KCTD16: variants seen among roughly 807,000 people sequenced by gnomAD.
KCTD16 encodes potassium channel tetramerization domain containing 16, also known as BTB/POZ domain-containing protein KCTD16.
In KCTD16, 13 loss-of-function variants were observed where a neutral mutation model predicts 33.2. The ratio of observed to expected loss-of-function variants is 0.39; its 90% confidence interval spans 0.25 to 0.62. The LOEUF (loss-of-function observed/expected upper bound fraction) is 0.62. Ranked by LOEUF, KCTD16 falls within the 20% of genes least tolerant of loss-of-function variation. The pLI, the probability that KCTD16 is intolerant of heterozygous loss-of-function variation, is 0.50. For missense variants in KCTD16, 441 were observed against 525.1 expected, an observed-to-expected ratio of 0.84 and a Z score of 1.57; for synonymous variants, 197 against 195.3, an observed-to-expected ratio of 1.01 and a Z score of -0.07.
intron 3 of KCTD16, among the ~76,000 whole-genome samples, chr5:144,430,388 G>T (rs1015529529): frequency 5.3e-5 from 8 of 152,278 alleles, no homozygotes; most frequent in African/African-American, 1.9e-4. Flanking sequence ...GGGAAGATGA[G>T]TTCTCTGTGC....
At chr5:144,226,718 A>G (rs903069168) in intron 3 of KCTD16, among the ~76,000 whole-genome samples, 2 of 152,006 alleles carry the variant, frequency 1.3e-5, no homozygotes. Context: ...GATTACAGGC[A>G]TGTGCCACCA....
At chr5:144,340,982 T>C (rs932522999) in intron 3 of KCTD16, among the ~76,000 whole-genome samples, 9 of 151,996 alleles carry the variant, frequency 5.9e-5, no homozygotes, top group African/African-American at 2.2e-4. Flanking sequence ...GAGGTAGAGG[T>C]TGCAGTGAGC....
At chr5:144,283,641 A>G (rs1755666466) in intron 3 of KCTD16, among the ~76,000 whole-genome samples, 1 of 152,220 alleles carries the variant, frequency 6.6e-6, no homozygotes, top group Non-Finnish European at 1.5e-5. Context: ...AATTAGCTTG[A>G]TAGATAATTA....
intron 3 of KCTD16, among the ~76,000 whole-genome samples, chr5:144,419,838 C>G (rs1753169525): frequency 6.6e-6 from 1 of 151,802 alleles, no homozygotes; most frequent in African/African-American, 2.4e-5. Flanking sequence ...TAATGACTAC[C>G]CTGTTGCATA....
In KCTD16 at chr5:144,262,032, A is replaced by G. The variant is rs144286083; in HGVS notation, c.832+54486A>G. On this transcript the variant is annotated intron_variant, in intron 3 of 3. Coordinates refer to ENST00000512467, the MANE Select transcript of KCTD16 (RefSeq NM_020768.4). ...GCTAGACACAGGGAGTGCTACAATC[A>G]TGTTCCTCCCTTTCTGAGAAAGAAA... 6.0e-4 allele frequency among the ~76,000 whole-genome samples: 92 copies of G among 152,316 alleles called. No homozygotes were observed. In the East Asian group the frequency reaches 0.014, roughly 24 times the overall value.
intron 3 of KCTD16, among the ~76,000 whole-genome samples, chr5:144,406,317 T>C (rs1219185796): frequency 2.0e-5 from 3 of 152,236 alleles, no homozygotes; most frequent in Non-Finnish European, 2.9e-5. Flanking sequence ...CCTTACTTTG[T>C]CTCAAATTTA....
At chr5:144,473,060 T>G (rs1252255632) in intron 3 of KCTD16, among the ~76,000 whole-genome samples, 1 of 152,160 alleles carries the variant, frequency 6.6e-6, no homozygotes, top group East Asian at 1.9e-4. Context: ...TAACAGAGTT[T>G]TTGTTAAGAA....
intron 3 of KCTD16, among the ~76,000 whole-genome samples, chr5:144,323,248 A>T (rs2126885904): frequency 6.6e-6 from 1 of 152,296 alleles, no homozygotes; most frequent in East Asian, 1.9e-4. Flanking sequence ...CTGGGGCGCT[A>T]AAAAGCCTTG....
intron 3 of KCTD16, among the ~76,000 whole-genome samples, chr5:144,262,424 C>T (rs1755037547): frequency 1.3e-5 from 2 of 152,164 alleles, no homozygotes; most frequent in African/African-American, 4.8e-5. Context: ...GGGTTTCAAG[C>T]AAGGAAATAA....
chr5:144,381,734 G>T (rs1253331206), intron 3 of KCTD16, among the ~76,000 whole-genome samples: 1 of 152,132 alleles, frequency 6.6e-6, no homozygotes, highest in Non-Finnish European at 1.5e-5. Context: ...CCTCTCACCA[G>T]TCCCCACCTC....
chr5:144,337,614 GA>G (rs1182173770), intron 3 of KCTD16, among the ~76,000 whole-genome samples: 2 of 152,148 alleles, frequency 1.3e-5, no homozygotes, highest in African/African-American at 2.4e-5. Context: ...TAACTTTAAT[GA>G]ATTCTTTAAA....
At chr5:144,444,457 G>T (rs1306174687) in intron 3 of KCTD16, among the ~76,000 whole-genome samples, 1 of 151,968 alleles carries the variant, frequency 6.6e-6, no homozygotes, top group Admixed American at 6.6e-5. Flanking sequence ...AGATTTCCCA[G>T]AAAGCTTTTA....
At chr5:144,370,242 G>GA (rs1173676783) in intron 3 of KCTD16, among the ~76,000 whole-genome samples, 1 of 152,148 alleles carries the variant, frequency 6.6e-6, no homozygotes, top group Non-Finnish European at 1.5e-5. Flanking sequence ...GGAGGGGGTA[G>GA]AAGGGGTAGA....
chr5:144,230,697 T>A (rs1003305237), intron 3 of KCTD16, among the ~76,000 whole-genome samples: 1 of 152,160 alleles, frequency 6.6e-6, no homozygotes, highest in Admixed American at 6.6e-5. Flanking sequence ...ACTTCAGGGA[T>A]GTATAATGTA....
chr5:144,441,147 A>G (rs1479703082), intron 3 of KCTD16, among the ~76,000 whole-genome samples: 1 of 152,026 alleles, frequency 6.6e-6, no homozygotes, highest in East Asian at 1.9e-4. Flanking sequence ...AGTTCTTTAT[A>G]TATTCTGGAT....
rs149762149 is a variant in KCTD16 at position 144,420,900 on chromosome 5, G to A, written c.833-52760G>A. ...CATTGGTTTGGATTGCCCTCCGAATGTGAATTTCACGCTTGATGAAAGTCA... is the reference window on the plus strand; with the variant it reads ...CATTGGTTTGGATTGCCCTCCGAATATGAATTTCACGCTTGATGAAAGTCA... On this transcript the variant is annotated intron_variant, in intron 3 of 3. Transcript: ENST00000512467. Among the ~76,000 whole-genome samples, 275 of 152,278 alleles carry A rather than the reference G, an allele frequency of 1.8e-3. 3 individuals carry two copies. Among genetic ancestry groups the A allele is most frequent in the Non-Finnish European group, 3.3e-3 (227 of 68,012 alleles).
intron 3 of KCTD16, among the ~76,000 whole-genome samples, chr5:144,386,719 T>C (rs1752331766): frequency 6.6e-6 from 1 of 152,174 alleles, no homozygotes; most frequent in African/African-American, 2.4e-5. Flanking sequence ...AAAAAAAGAA[T>C]GAAAATTGGC....
chr5:144,231,729 C>T (rs1362836310), intron 3 of KCTD16, among the ~76,000 whole-genome samples: 2 of 152,030 alleles, frequency 1.3e-5, no homozygotes. Flanking sequence ...GGGGCTTTTT[C>T]CCCTTTTGCT....
intron 3 of KCTD16, among the ~76,000 whole-genome samples, chr5:144,213,199 ATAT>A (rs1753451202): frequency 6.8e-6 from 1 of 147,194 alleles, no homozygotes; most frequent in African/African-American, 2.7e-5. Flanking sequence ...TGAAATCTAC[ATAT>A]TATATTATAT....
Sources: allele counts gnomAD v4.1 joint callset (sites outside exome capture counted in the v4.1 genomes callset), GRCh38; gene constraint gnomAD v4.1.1; transcripts MANE v1.5; gene names NCBI Gene and HGNC (gene_info 2026-07-23, HGNC 2026-07-21).